The following PLEKHA6 variants were observed in gnomAD, a reference collection of about 807,000 sequenced individuals.
PLEKHA6 encodes pleckstrin homology domain-containing family A member 6.
Under a neutral mutation model 116.7 loss-of-function variants are expected in PLEKHA6, and 60 were observed. That is an observed-to-expected ratio of 0.51 (90% CI 0.42 to 0.64). The LOEUF (loss-of-function observed/expected upper bound fraction) is 0.64. Ranked by LOEUF, PLEKHA6 falls within the 30% of genes least tolerant of loss-of-function variation. The probability of loss-of-function intolerance (pLI) is 0.00; values close to 1 mark genes in which losing one functional copy is unlikely to be tolerated. For synonymous variants in PLEKHA6, 489 were observed against 556.1 expected (o/e 0.88, Z 1.70); for missense variants, 1,338 against 1,422.7 (o/e 0.94, Z 0.96).
chr1:204,377,009 G>A (rs746717742), intron 1 of PLEKHA6, among the ~76,000 whole-genome samples: 14 of 152,222 alleles, frequency 9.2e-5, no homozygotes, highest in Non-Finnish European at 1.2e-4. Flanking sequence ...GCAAAGGCGC[G>A]CTCTCTCTCA....
intron 1 of PLEKHA6, among the ~76,000 whole-genome samples, chr1:204,290,170 A>T (rs1669601340): frequency 6.6e-6 from 1 of 152,248 alleles, no homozygotes; most frequent in South Asian, 2.1e-4. Flanking sequence ...AGATCTTTGT[A>T]AAGTTGACAA....
At chr1:204,227,508 C>G (rs115401561) in intron 21 of PLEKHA6, among the ~76,000 whole-genome samples, 53 of 152,294 alleles carry the variant, frequency 3.5e-4, no homozygotes, top group African/African-American at 1.2e-3. Flanking sequence ...TAGTCAGGAC[C>G]TGGTAGCCTT....
chr1:204,312,841 ATTTTCTTTTCTTTTC>A (rs138741377), intron 1 of PLEKHA6, among the ~76,000 whole-genome samples: 31,702 of 140,418 alleles, frequency 0.23, 3,644 homozygotes, highest in South Asian at 0.29. Context: ...CCCTTAGCCC[ATTTTCTTTTCTTTTC>A]TTTTCTTTTC....
chr1:204,367,592 G>T (rs115093141), intron 3 of PLEKHA6, among the ~76,000 whole-genome samples: 3,010 of 152,218 alleles, frequency 0.02, 97 homozygotes, highest in African/African-American at 0.069. Flanking sequence ...ACTGACACTG[G>T]TTACTGCCCA....
At chr1:204,297,385 A>G (rs2103064449) in intron 1 of PLEKHA6, among the ~76,000 whole-genome samples, 1 of 152,338 alleles carries the variant, frequency 6.6e-6, no homozygotes, top group East Asian at 1.9e-4. Flanking sequence ...GCCTTAGCAC[A>G]TGGCTACAAA....
intron 1 of PLEKHA6, among the ~76,000 whole-genome samples, chr1:204,358,757 C>CT (rs768570708): frequency 2.6e-5 from 4 of 152,054 alleles, no homozygotes; most frequent in African/African-American, 4.8e-5. Flanking sequence ...CTCCCCACCC[C>CT]TGTGCCCCGG....
intron 17 of PLEKHA6, 92 bp from the exon 18 acceptor site, chr1:204,230,678 A>G (rs1661061743): frequency 8.7e-7 from 1 of 1,148,818 alleles, no homozygotes; most frequent in African/African-American, 1.6e-5. Context: ...TTCTACGGGA[A>G]GTCTGCCTGT....
intron 9 of PLEKHA6, among the ~76,000 whole-genome samples, chr1:204,253,669 A>C (rs1342909795): frequency 1.3e-5 from 2 of 152,048 alleles, no homozygotes; most frequent in African/African-American, 4.8e-5. Flanking sequence ...CTACAAAAAA[A>C]AATTTTTTAA....
intron 1 of PLEKHA6, among the ~76,000 whole-genome samples, chr1:204,344,599 C>CAA (rs58633345): frequency 5.4e-4 from 66 of 121,626 alleles, no homozygotes; most frequent in African/African-American, 1.9e-3. Context: ...GACTCCATCT[C>CAA]AAAAAAAAAA....
chr1:204,317,013 A>C (rs1298905097), intron 1 of PLEKHA6, among the ~76,000 whole-genome samples: 1 of 152,226 alleles, frequency 6.6e-6, no homozygotes, highest in Non-Finnish European at 1.5e-5. Context: ...CCAGAACTGG[A>C]CATCTGGAGG....
intron 4 of PLEKHA6, 119 bp from the exon 5 acceptor site, chr1:204,267,666 C>A: frequency 1.2e-6 from 1 of 836,874 alleles, no homozygotes; most frequent in Non-Finnish European, 2.0e-6. Context: ...AGCTGCGGCT[C>A]TGCTGTTAAT....
At chr1:204,295,828 G>C (rs933696046) in intron 1 of PLEKHA6, among the ~76,000 whole-genome samples, 4 of 152,168 alleles carry the variant, frequency 2.6e-5, no homozygotes, top group Admixed American at 6.6e-5. Context: ...CCAAGGGCAG[G>C]GTGGCCAAAG....
At position 204,272,558 on chromosome 1, in the gene PLEKHA6, A is replaced by G. The variant is rs142328690; in HGVS notation, c.102+1068T>C. Among the ~76,000 whole-genome samples the G allele has an allele frequency of 3.9e-5, 6 of 152,302 alleles. No homozygotes were observed. The East Asian group carries it at 1.2e-3, about 29-fold the overall frequency. On this transcript the variant is annotated intron_variant, in intron 3 of 22. Coordinates refer to ENST00000272203, the MANE Select transcript of PLEKHA6 (RefSeq NM_014935.5). ...AAAAGTAGGGAATAATATGATGATCATCATTTCATGTTGTTTTTCCCTAAT... is the reference window on the plus strand; with the variant it reads ...AAAAGTAGGGAATAATATGATGATCGTCATTTCATGTTGTTTTTCCCTAAT...
chr1:204,236,672 A>G (rs1051932752), intron 17 of PLEKHA6, among the ~76,000 whole-genome samples: 13 of 152,188 alleles, frequency 8.5e-5, no homozygotes, highest in African/African-American at 2.4e-4. Context: ...TGGCAATCAG[A>G]ATAGTCTGAC....
intron 9 of PLEKHA6, chr1:204,251,510 G>A: frequency 1.4e-6 from 1 of 702,486 alleles, no homozygotes. Context: ...CAGGGACCAT[G>A]CTGCCAGGCA....
At chr1:204,314,431 A>T (rs963366113) in intron 1 of PLEKHA6, among the ~76,000 whole-genome samples, 4 of 152,170 alleles carry the variant, frequency 2.6e-5, no homozygotes, top group African/African-American at 9.7e-5. Context: ...ACTCCTGCAG[A>T]CGACAATGGA....
chr1:204,326,686 A>G (rs764804811), intron 1 of PLEKHA6, among the ~76,000 whole-genome samples: 1 of 152,254 alleles, frequency 6.6e-6, no homozygotes, highest in Non-Finnish European at 1.5e-5. Context: ...TCTGACTGCT[A>G]GGGATTAAGC....
intron 1 of PLEKHA6, among the ~76,000 whole-genome samples, chr1:204,331,488 C>G (rs1022431512): frequency 3.3e-5 from 5 of 152,106 alleles, no homozygotes; most frequent in African/African-American, 1.2e-4. Flanking sequence ...CTTCCTGGTG[C>G]TACTGATCCC....
intron 1 of PLEKHA6, among the ~76,000 whole-genome samples, chr1:204,332,434 C>T (rs1192472064): frequency 6.6e-6 from 1 of 152,138 alleles, no homozygotes; most frequent in Non-Finnish European, 1.5e-5. Flanking sequence ...TGCAGTGGCA[C>T]GATCCATCTC....
Sources: gnomAD v4.1 joint callset for allele counts (sites outside exome capture counted in the v4.1 genomes callset) on GRCh38, gnomAD v4.1.1 for gene constraint, MANE v1.5 for transcripts, NCBI Gene and HGNC (gene_info 2026-07-23, HGNC 2026-07-21) for gene names.